ERCC1: variants seen among roughly 807,000 people sequenced by gnomAD.
ERCC1 encodes the protein DNA excision repair protein ERCC-1.
In ERCC1, 36 loss-of-function variants were observed where a neutral mutation model predicts 37.6. That is an observed-to-expected ratio of 0.96 (90% CI 0.73 to 1.26). The LOEUF (loss-of-function observed/expected upper bound fraction) is 1.26, where lower values mean the gene tolerates loss of function less well. Among genes scored for constraint, ERCC1 ranks in the 50% most tolerant of loss-of-function variants. The pLI is 0.00. For missense variants in ERCC1, 349 were observed against 376.5 expected (o/e 0.93, Z 0.60); for synonymous variants, 156 against 162.1 (o/e 0.96, Z 0.28).
intron 1 of ERCC1, among the ~76,000 whole-genome samples, chr19:45,441,672 G>GCCTAATTTTAT (rs1195091600): frequency 6.6e-6 from 1 of 151,260 alleles, no homozygotes; most frequent in African/African-American, 2.4e-5. Context: ...ACTGCGTCCA[G>GCCTAATTTTAT]CCTAATTTTT....
chr19:45,413,429 C>A, intron 9 of ERCC1: 2 of 711,780 alleles, frequency 2.8e-6, no homozygotes, highest in Admixed American at 2.4e-5. Flanking sequence ...AAGCTCACAC[C>A]ACCATGCCCA....
chr19:45,431,538 G>A lies in ERCC1; in HGVS notation c.-7-8157C>T, dbSNP rs947243729. ...CTAAAAATACAAAAATTAGCTGGGC[G>A]TGGTGGCACACGCCTGTAATCCCAG... On this transcript the variant is annotated intron_variant, in intron 1 of 8. Coordinates refer to the ERCC1 transcript ENST00000423698. 5.3e-5 allele frequency among the ~76,000 whole-genome samples: 8 copies of A among 152,262 alleles called. 1 individual carries two copies. Among genetic ancestry groups the A allele is most frequent in the East Asian group, 3.9e-4 (2 of 5,182 alleles).
At chr19:45,429,941 C>A (rs1736897908) in intron 1 of ERCC1, among the ~76,000 whole-genome samples, 1 of 152,172 alleles carries the variant, frequency 6.6e-6, no homozygotes, top group Admixed American at 6.5e-5. Context: ...CATGCCACCA[C>A]ACCCAGCTAA....
rs1260648584 is a variant in ERCC1 at position 45,407,984 on chromosome 19, G to A, written c.*1691C>T. On this transcript the variant is annotated 3_prime_UTR_variant, in exon 10 of 10. Transcript: ENST00000300853. ...CAGGAGAATCGCTTGAACCCAGGAG[G>A]TGGACATTGCAGTGAGCCGAGATCA... The A allele has an allele frequency of 4.9e-5, 50 of 1,022,982 alleles. No homozygotes were observed. The highest frequency in any genetic ancestry group is 3.7e-5 in the Non-Finnish European group (27 of 734,644). 63.4% of individuals were successfully genotyped at this position (1,022,982 alleles called of 1,614,324 possible).
intron 1 of ERCC1, among the ~76,000 whole-genome samples, chr19:45,444,779 C>T (rs1385334186): frequency 2.0e-5 from 3 of 152,198 alleles, no homozygotes; most frequent in Admixed American, 1.3e-4. Context: ...ACACCGAGGC[C>T]GGCAGGGACG....
chr19:45,421,041 G>A (rs1257141746), intron 3 of ERCC1, 137 bp downstream of exon 3: 21 of 613,996 alleles, frequency 3.4e-5, no homozygotes, highest in Admixed American at 2.9e-4. Context: ...CACTGCTGTC[G>A]AATGAATGAA....
intron 5 of ERCC1, among the ~76,000 whole-genome samples, chr19:45,418,839 C>T (rs1256981803): frequency 6.6e-6 from 1 of 152,134 alleles, no homozygotes; most frequent in Admixed American, 6.6e-5. Flanking sequence ...AACAAACAAA[C>T]AAACACAAAA....
At chr19:45,416,305 A>T (rs994631353) in intron 6 of ERCC1, among the ~76,000 whole-genome samples, 4 of 152,158 alleles carry the variant, frequency 2.6e-5, no homozygotes, top group African/African-American at 9.7e-5. Context: ...CAGGAGGAAA[A>T]CCAGAAACAC....
At chr19:45,424,907 T>C (rs1974635394), upstream of ERCC1, among the ~76,000 whole-genome samples, 1 of 148,982 alleles carries the variant, frequency 6.7e-6, no homozygotes, top group Non-Finnish European at 1.5e-5. Flanking sequence ...GTCATAATGA[T>C]AAATTCTTTT....
chr19:45,439,619 G>C (rs1215832859), intron 1 of ERCC1, among the ~76,000 whole-genome samples: 4 of 152,304 alleles, frequency 2.6e-5, no homozygotes, highest in Admixed American at 1.3e-4. Flanking sequence ...GATCCCTGCG[G>C]GGGCCACCAG....
chr19:45,450,406 C>T (rs977597713), intron 1 of ERCC1, among the ~76,000 whole-genome samples: 2 of 152,230 alleles, frequency 1.3e-5, no homozygotes, highest in East Asian at 1.9e-4. Flanking sequence ...TTCTTTCCCT[C>T]TAACGCCTCA....
At chr19:45,444,560 C>T (rs1975211664) in intron 1 of ERCC1, among the ~76,000 whole-genome samples, 1 of 152,168 alleles carries the variant, frequency 6.6e-6, no homozygotes. Context: ...CCCCCAGAGG[C>T]CTCAGGGCGC....
At chr19:45,435,105 G>A (rs1974941153) in intron 1 of ERCC1, among the ~76,000 whole-genome samples, 1 of 151,856 alleles carries the variant, frequency 6.6e-6, no homozygotes, top group Non-Finnish European at 1.5e-5. Flanking sequence ...TTTTAGTAGA[G>A]ACGGGGTTTC....
At chr19:45,432,938 G>A (rs768235634) in intron 1 of ERCC1, among the ~76,000 whole-genome samples, 87 of 152,216 alleles carry the variant, frequency 5.7e-4, no homozygotes, top group Middle Eastern at 6.8e-3. Flanking sequence ...AAATTAGCCG[G>A]GCATGGTGGC....
Position 45,408,417 on chromosome 19 carries a change from G to A in ERCC1, c.*1258C>T, listed in dbSNP as rs774936715. 16 of 1,613,552 alleles carry A rather than the reference G, an allele frequency of 9.9e-6. No homozygotes were observed. In the African/African-American group the frequency reaches 1.5e-4, roughly 15 times the overall value. The stretch of plus-strand genomic sequence containing the variant: ...CCTCCTGGCCTGAGGCCTCGGTTCT[G>A]TGCCTTTGGGGGCAACCCACCAGTC... On this transcript the variant is annotated 3_prime_UTR_variant, in exon 10 of 10. Transcript: ENST00000300853.
At chr19:45,432,046 G>A (rs1397147856) in intron 1 of ERCC1, among the ~76,000 whole-genome samples, 14 of 151,744 alleles carry the variant, frequency 9.2e-5, no homozygotes, top group East Asian at 1.9e-4. Flanking sequence ...ATCTTGGCTC[G>A]CTGCAACCTC....
chr19:45,412,988 G>A (rs1040639144), intron 9 of ERCC1, among the ~76,000 whole-genome samples: 19 of 152,142 alleles, frequency 1.2e-4, no homozygotes, highest in East Asian at 7.7e-4. Context: ...TGATCCAGCC[G>A]CCTCAGCCTC....
At chr19:45,441,136 T>A (rs935324275) in intron 1 of ERCC1, among the ~76,000 whole-genome samples, 3 of 152,200 alleles carry the variant, frequency 2.0e-5, no homozygotes, top group African/African-American at 7.2e-5. Context: ...TGGGCCTAGG[T>A]CTTCCCTTTG....
chr19:45,409,842 T>A, intron 9 of ERCC1, 117 bp from the exon 10 acceptor site: 1 of 688,436 alleles, frequency 1.5e-6, no homozygotes, highest in Non-Finnish European at 2.7e-6. Context: ...CATTTATCCA[T>A]TGAGTTACAA....
Sources: allele counts gnomAD v4.1 joint callset (sites outside exome capture counted in the v4.1 genomes callset), GRCh38; gene constraint gnomAD v4.1.1; transcripts MANE v1.5; gene names NCBI Gene and HGNC (gene_info 2026-07-23, HGNC 2026-07-21).